TENM3: variants seen among roughly 807,000 people sequenced by gnomAD.
TENM3 encodes the protein teneurin-3.
TENM3 carries 63 observed loss-of-function variants against 255.1 expected under a neutral mutation model. That is an observed-to-expected ratio of 0.25 (90% CI 0.20 to 0.30). The LOEUF (loss-of-function observed/expected upper bound fraction) is 0.30, where lower values mean the gene tolerates loss of function less well. TENM3 is among the 10% of genes least tolerant of loss of function. TENM3 has a pLI of 1.00. For synonymous variants in TENM3, 1,306 were observed against 1,322.3 expected, an observed-to-expected ratio of 0.99 and a Z score of 0.27; for missense variants, 2,929 against 3,461.1, an observed-to-expected ratio of 0.85 and a Z score of 3.86.
chr4:181,856,621 G>A, the TENM3 span, among the ~76,000 whole-genome samples: 1 of 152,126 alleles, frequency 6.6e-6, no homozygotes, highest in Non-Finnish European at 1.5e-5. Flanking sequence ...AAGTGATTTG[G>A]TGTGATTGTC....
At chr4:181,860,166 G>A in the TENM3 span, among the ~76,000 whole-genome samples, 1 of 152,298 alleles carries the variant, frequency 6.6e-6, no homozygotes, top group Non-Finnish European at 1.5e-5. Context: ...TAAGCAAAAG[G>A]TGACTTTACA....
chr4:182,001,554 CTCTT>C, the TENM3 span, among the ~76,000 whole-genome samples: 2 of 152,084 alleles, frequency 1.3e-5, no homozygotes, highest in Admixed American at 1.3e-4. Flanking sequence ...GCTATAATGA[CTCTT>C]TCAGACCAAT....
chr4:182,331,557 A>G (rs1426136119), intron 2 of TENM3, among the ~76,000 whole-genome samples: 1 of 152,216 alleles, frequency 6.6e-6, no homozygotes, highest in African/African-American at 2.4e-5. Context: ...AAAAAATAAA[A>G]TAAATACATG....
At chr4:181,709,103 C>T in the TENM3 span, among the ~76,000 whole-genome samples, 1 of 152,172 alleles carries the variant, frequency 6.6e-6, no homozygotes, top group Non-Finnish European at 1.5e-5. Flanking sequence ...TAAAACTGTG[C>T]TAACGGAAAG....
intron 3 of TENM3, among the ~76,000 whole-genome samples, chr4:182,470,195 A>G (rs1474105257): frequency 6.6e-6 from 1 of 152,204 alleles, no homozygotes; most frequent in African/African-American, 2.4e-5. Flanking sequence ...TTAACTAGTG[A>G]AAATAATATG....
At chr4:181,743,829 A>G in the TENM3 span, among the ~76,000 whole-genome samples, 2 of 152,118 alleles carry the variant, frequency 1.3e-5, no homozygotes, top group African/African-American at 4.8e-5. Context: ...TCAACTTTTA[A>G]GTTCAGGGGT....
the TENM3 span, among the ~76,000 whole-genome samples, chr4:181,636,984 G>A: frequency 9.9e-5 from 15 of 151,968 alleles, no homozygotes; most frequent in Admixed American, 2.6e-4. Context: ...TGATGTTCCC[G>A]AGAAACTTCC....
intron 1 of TENM3, among the ~76,000 whole-genome samples, chr4:182,276,951 T>G (rs1044416280): frequency 7.9e-5 from 12 of 152,208 alleles, no homozygotes; most frequent in African/African-American, 1.2e-4. Flanking sequence ...CAGAAAGAGC[T>G]GTGTTAATTT....
the TENM3 span, among the ~76,000 whole-genome samples, chr4:181,591,552 A>G: frequency 1.6e-4 from 25 of 152,348 alleles, no homozygotes; most frequent in Admixed American, 4.6e-4. Context: ...CACCCAAGCT[A>G]TGGACTGGTA....
chr4:182,194,187 T>G (rs2149797982), intron 1 of TENM3, among the ~76,000 whole-genome samples: 1 of 152,288 alleles, frequency 6.6e-6, no homozygotes, highest in Middle Eastern at 3.4e-3. Context: ...CTTAAATAAT[T>G]TATGGCACTT....
At chr4:182,156,533 A>G (rs1332471422) in intron 1 of TENM3, among the ~76,000 whole-genome samples, 2 of 151,970 alleles carry the variant, frequency 1.3e-5, no homozygotes, top group Admixed American at 6.6e-5. Flanking sequence ...CTCAGTGTCT[A>G]TTGTTATATG....
chr4:182,776,020 GAT>G (rs532921015), intron 24 of TENM3, among the ~76,000 whole-genome samples: 2 of 151,066 alleles, frequency 1.3e-5, no homozygotes, highest in Non-Finnish European at 1.5e-5. Flanking sequence ...ATAGATAGGA[GAT>G]ATATATATAG....
chr4:182,692,629 G>A (rs1467738724), intron 12 of TENM3, among the ~76,000 whole-genome samples: 1 of 152,174 alleles, frequency 6.6e-6, no homozygotes, highest in Admixed American at 6.5e-5. Flanking sequence ...AGACAGAAAT[G>A]GAGAATATGG....
At chr4:182,462,489 C>T (rs960924161) in intron 3 of TENM3, among the ~76,000 whole-genome samples, 1 of 151,714 alleles carries the variant, frequency 6.6e-6, no homozygotes, top group Non-Finnish European at 1.5e-5. Context: ...GCCCTCCTCT[C>T]TGAACAGCCG....
the TENM3 span, among the ~76,000 whole-genome samples, chr4:182,096,410 C>T: frequency 6.6e-6 from 1 of 151,936 alleles, no homozygotes; most frequent in Non-Finnish European, 1.5e-5. Context: ...AGGAAAATAA[C>T]CATTTCAAAT....
chr4:181,482,762 G>A, the TENM3 span, among the ~76,000 whole-genome samples: 3 of 151,928 alleles, frequency 2.0e-5, no homozygotes, highest in Non-Finnish European at 2.9e-5. Context: ...GTATTTTACC[G>A]ACCTTTCGTT....
At chr4:182,158,769 G>A (rs983857250) in intron 1 of TENM3, among the ~76,000 whole-genome samples, 23 of 152,074 alleles carry the variant, frequency 1.5e-4, no homozygotes, top group Non-Finnish European at 2.9e-4. Context: ...TGTTTGGAGC[G>A]GAACTGCAGT....
the TENM3 span, among the ~76,000 whole-genome samples, chr4:181,794,182 T>A: frequency 1.4e-5 from 2 of 141,568 alleles, no homozygotes; most frequent in South Asian, 4.8e-4. Flanking sequence ...ATTTTTATGG[T>A]GTACAATATA....
At chr4:182,670,945 A>G (rs984858662) in intron 6 of TENM3, among the ~76,000 whole-genome samples, 8 of 152,350 alleles carry the variant, frequency 5.3e-5, no homozygotes, top group African/African-American at 7.2e-5. Context: ...ATACTAGTAA[A>G]TATATACATC....
Sources: gnomAD v4.1 joint callset for allele counts (sites outside exome capture counted in the v4.1 genomes callset) on GRCh38, gnomAD v4.1.1 for gene constraint, MANE v1.5 for transcripts, NCBI Gene and HGNC (gene_info 2026-07-23, HGNC 2026-07-21) for gene names.